FHIT: variants seen among roughly 807,000 people sequenced by gnomAD.
FHIT encodes the protein fragile histidine triad diadenosine triphosphatase.
In FHIT, 19 loss-of-function variants were observed where a neutral mutation model predicts 17.9. That is an observed-to-expected ratio of 1.06 (90% CI 0.74 to 1.56). The LOEUF is 1.56. FHIT is among the 40% of genes most tolerant of loss of function. The pLI, the probability that FHIT is intolerant of heterozygous loss-of-function variation, is 0.00. For synonymous variants in FHIT, 81 were observed against 69.7 expected (o/e 1.16, Z -0.81); for missense variants, 248 against 189.2 (o/e 1.31, Z -1.82).
rs567743591 is a variant in FHIT, at chr3:59,854,372, G to A, written c.348+67974C>T. Reference sequence around the variant, plus strand: ...AATTGAAGCTCGGTATTGTGCTTACGTCGCATGTGCAAAAAAACAGGGACA... The same window carrying A: ...AATTGAAGCTCGGTATTGTGCTTACATCGCATGTGCAAAAAAACAGGGACA... On this transcript the variant is annotated intron_variant, in intron 8 of 9. Transcript: ENST00000492590. 1.4e-4 allele frequency among the ~76,000 whole-genome samples: 21 copies of A among 152,184 alleles called. 1 individual carries two copies. The highest frequency in any genetic ancestry group is 2.4e-4 in the African/African-American group (10 of 41,520).
intron 1 of FHIT, among the ~76,000 whole-genome samples, chr3:61,213,850 T>A (rs1028580928): frequency 2.0e-5 from 3 of 152,064 alleles, no homozygotes; most frequent in Non-Finnish European, 2.9e-5. Flanking sequence ...GGATTAAGAA[T>A]CTCACTCAAA....
At chr3:61,014,807 A>AAAAAAAAAAAAT (rs1553798839) in intron 3 of FHIT, among the ~76,000 whole-genome samples, 1 of 49,102 alleles carries the variant, frequency 2.0e-5, no homozygotes, top group Non-Finnish European at 4.6e-5. Flanking sequence ...AAAAAAAAAA[A>AAAAAAAAAAAAT]ATATATATAT....
At chr3:60,511,694 T>C (rs1235831560) in intron 5 of FHIT, among the ~76,000 whole-genome samples, 1 of 152,162 alleles carries the variant, frequency 6.6e-6, no homozygotes, top group East Asian at 1.9e-4. Flanking sequence ...TGAGTAGCCA[T>C]GAGCACACTT....
intron 5 of FHIT, among the ~76,000 whole-genome samples, chr3:60,109,520 C>A (rs1038668650): frequency 1.3e-5 from 2 of 152,044 alleles, no homozygotes; most frequent in Non-Finnish European, 2.9e-5. Flanking sequence ...GAATCACAAC[C>A]CTTAGGGTTT....
chr3:60,188,446 A>G (rs1702258973), intron 5 of FHIT, among the ~76,000 whole-genome samples: 1 of 152,042 alleles, frequency 6.6e-6, no homozygotes, highest in Non-Finnish European at 1.5e-5. Context: ...TACACAACCA[A>G]GAGTTTAAAT....
At chr3:61,013,011 A>C (rs1311467426) in intron 3 of FHIT, among the ~76,000 whole-genome samples, 1 of 152,146 alleles carries the variant, frequency 6.6e-6, no homozygotes, top group African/African-American at 2.4e-5. Flanking sequence ...AACTCATTAT[A>C]GTATTTAGAT....
intron 4 of FHIT, among the ~76,000 whole-genome samples, chr3:60,713,409 G>A (rs1389452383): frequency 3.3e-5 from 5 of 150,302 alleles, no homozygotes; most frequent in South Asian, 2.2e-4. Context: ...CTAGCAGAAG[G>A]CAAGAAATAA....
intron 2 of FHIT, among the ~76,000 whole-genome samples, chr3:61,190,987 C>T (rs1457707366): frequency 2.6e-5 from 4 of 151,142 alleles, no homozygotes; most frequent in Non-Finnish European, 5.9e-5. Flanking sequence ...TGCTAAATGA[C>T]GAGTTAATGG....
At chr3:61,006,309 A>C (rs897671419) in intron 3 of FHIT, among the ~76,000 whole-genome samples, 12 of 152,288 alleles carry the variant, frequency 7.9e-5, no homozygotes, top group East Asian at 1.9e-4. Context: ...TTTTAAGGAA[A>C]TTTCTTCCTT....
At chr3:59,888,213 G>A (rs773439609) in intron 8 of FHIT, among the ~76,000 whole-genome samples, 3 of 152,128 alleles carry the variant, frequency 2.0e-5, no homozygotes, top group South Asian at 2.1e-4. Context: ...GACATTCACT[G>A]TACTCACCTA....
intron 2 of FHIT, among the ~76,000 whole-genome samples, chr3:61,129,639 T>C (rs1328148162): frequency 6.6e-6 from 1 of 152,154 alleles, no homozygotes; most frequent in Non-Finnish European, 1.5e-5. Flanking sequence ...AAGCAAGATC[T>C]TCGAAGCTTA....
chr3:59,896,217 C>T (rs574169913), intron 8 of FHIT, among the ~76,000 whole-genome samples: 1 of 152,270 alleles, frequency 6.6e-6, no homozygotes, highest in South Asian at 2.1e-4. Context: ...GTGTCCCAAG[C>T]AAGCACAGTG....
chr3:60,270,567 A>G (rs1483073651), intron 5 of FHIT, among the ~76,000 whole-genome samples: 1 of 152,218 alleles, frequency 6.6e-6, no homozygotes, highest in Non-Finnish European at 1.5e-5. Flanking sequence ...CACATGCAGA[A>G]GATTGAAATC....
At chr3:60,444,600 A>T (rs1017452318) in intron 5 of FHIT, among the ~76,000 whole-genome samples, 7 of 152,164 alleles carry the variant, frequency 4.6e-5, no homozygotes, top group African/African-American at 1.7e-4. Flanking sequence ...CAAGGACAAA[A>T]AACCAAACAC....
chr3:60,200,277 C>T (rs1284460037), intron 5 of FHIT, among the ~76,000 whole-genome samples: 1 of 152,104 alleles, frequency 6.6e-6, no homozygotes, highest in Non-Finnish European at 1.5e-5. Context: ...CCCTTCTCTG[C>T]ATCCCCTTTC....
chr3:60,920,953 G>C (rs1553768189), intron 3 of FHIT, among the ~76,000 whole-genome samples: 1 of 152,138 alleles, frequency 6.6e-6, no homozygotes, highest in Non-Finnish European at 1.5e-5. Flanking sequence ...TACAAAAATT[G>C]TAAACTGCCG....
At chr3:60,348,171 A>T (rs1710892317) in intron 5 of FHIT, among the ~76,000 whole-genome samples, 1 of 152,182 alleles carries the variant, frequency 6.6e-6, no homozygotes, top group Non-Finnish European at 1.5e-5. Context: ...ATCTAACCAC[A>T]CCTAAGAATT....
chr3:60,442,902 T>A (rs1391103807), intron 5 of FHIT, among the ~76,000 whole-genome samples: 2 of 152,198 alleles, frequency 1.3e-5, no homozygotes, highest in Non-Finnish European at 2.9e-5. Flanking sequence ...TTCCTACCCA[T>A]GAGCATGGAA....
chr3:61,144,574 C>T (rs12491542), intron 2 of FHIT, among the ~76,000 whole-genome samples: 15,603 of 152,116 alleles, frequency 0.1, 901 homozygotes, highest in South Asian at 0.2. Context: ...TATAGAATTG[C>T]TGGGTTATAT....
Sources: allele counts gnomAD v4.1 joint callset (sites outside exome capture counted in the v4.1 genomes callset), GRCh38; gene constraint gnomAD v4.1.1; transcripts MANE v1.5; gene names NCBI Gene and HGNC (gene_info 2026-07-23, HGNC 2026-07-21).